MACROD2: variants seen among roughly 807,000 people sequenced by gnomAD.
The protein encoded by MACROD2 is ADP-ribose glycohydrolase MACROD2.
Under a neutral mutation model 70.4 loss-of-function variants are expected in MACROD2, and 36 were observed. The ratio of observed to expected loss-of-function variants is 0.51; its 90% CI spans 0.39 to 0.68. The LOEUF is 0.68. Ranked by LOEUF, MACROD2 falls within the 30% of genes least tolerant of loss-of-function variation. MACROD2 has a pLI of 0.00. For synonymous variants in MACROD2, 172 were observed against 178.8 expected, an observed-to-expected ratio of 0.96 and a Z score of 0.30; for missense variants, 496 against 538.4, an observed-to-expected ratio of 0.92 and a Z score of 0.78.
intron 6 of MACROD2, among the ~76,000 whole-genome samples, chr20:15,429,716 A>G (rs1181618826): frequency 2.0e-5 from 3 of 152,130 alleles, no homozygotes; most frequent in East Asian, 1.9e-4. Flanking sequence ...TTTAGATTCT[A>G]GCATAGTGCC....
At chr20:14,122,169 G>A (rs565251131) in intron 3 of MACROD2, among the ~76,000 whole-genome samples, 4 of 152,198 alleles carry the variant, frequency 2.6e-5, no homozygotes, top group South Asian at 2.1e-4. Context: ...ACTATATTAT[G>A]CATGCAGCTA....
At chr20:14,929,394 A>T (rs2074271350) in intron 5 of MACROD2, 1 of 152,216 alleles carries the variant, frequency 6.6e-6, no homozygotes, top group Non-Finnish European at 1.5e-5. Flanking sequence ...TTGATTATAA[A>T]GCACACAACT....
At chr20:16,037,714 C>T (rs1415894381) in intron 15 of MACROD2, among the ~76,000 whole-genome samples, 4 of 151,776 alleles carry the variant, frequency 2.6e-5, no homozygotes, top group South Asian at 2.1e-4. Context: ...TTTTGTGACA[C>T]GTCTGTTTGT....
intron 10 of MACROD2, among the ~76,000 whole-genome samples, chr20:15,898,019 G>A (rs1365549349): frequency 6.6e-6 from 1 of 152,170 alleles, no homozygotes; most frequent in African/African-American, 2.4e-5. Flanking sequence ...ATTTGGCTTA[G>A]AGTTTTGTTT....
chr20:14,059,324 C>G (rs554255458), intron 2 of MACROD2, among the ~76,000 whole-genome samples: 1 of 152,288 alleles, frequency 6.6e-6, no homozygotes, highest in Non-Finnish European at 1.5e-5. Flanking sequence ...TCATTATTCA[C>G]TCAAAAATTT....
intron 8 of MACROD2, among the ~76,000 whole-genome samples, chr20:15,804,855 C>T (rs1347262207): frequency 6.6e-6 from 1 of 152,150 alleles, no homozygotes; most frequent in African/African-American, 2.4e-5. Flanking sequence ...TTAATATCTC[C>T]CACCTTCCCA....
At chr20:15,624,183 A>T (rs1443814725) in intron 8 of MACROD2, among the ~76,000 whole-genome samples, 1 of 152,190 alleles carries the variant, frequency 6.6e-6, no homozygotes, top group Non-Finnish European at 1.5e-5. Context: ...GAGGGCAGGA[A>T]GCATGCAGCA....
intron 8 of MACROD2, among the ~76,000 whole-genome samples, chr20:15,775,561 C>A (rs75209570): frequency 0.034 from 5,109 of 152,084 alleles, 303 homozygotes; most frequent in African/African-American, 0.12. Context: ...ATTTTGGGGT[C>A]CCTTTGGCCA....
chr20:16,043,751 C>T (rs951274852), intron 16 of MACROD2, among the ~76,000 whole-genome samples: 4 of 152,080 alleles, frequency 2.6e-5, no homozygotes, highest in African/African-American at 7.2e-5. Context: ...GTTTTGAATT[C>T]GAAATTGAAA....
At chr20:14,607,880 A>G (rs1237995609) in intron 4 of MACROD2, among the ~76,000 whole-genome samples, 4 of 152,166 alleles carry the variant, frequency 2.6e-5, no homozygotes, top group African/African-American at 9.6e-5. Context: ...GGACTGGAGA[A>G]GAAAACAAAA....
chr20:15,125,903 A>G (rs1306135531), intron 5 of MACROD2, among the ~76,000 whole-genome samples: 4 of 151,408 alleles, frequency 2.6e-5, no homozygotes, highest in Non-Finnish European at 5.9e-5. Flanking sequence ...AAATTTGCCT[A>G]TCCTGGACAT....
chr20:14,769,690 A>G lies in MACROD2; in HGVS notation c.418+84731A>G, dbSNP rs1019081119. Among the ~76,000 whole-genome samples the G allele has an allele frequency of 5.9e-5, 9 of 152,124 alleles. No homozygotes were observed. The East Asian group carries it at 1.2e-3, about 20-fold the overall frequency. ...TCTCACCATTTTGGTGCAACCTTAC[A>G]TACACATCTGGTTGAGATCATTTTC... is the stretch of plus-strand genomic sequence containing the variant. On this transcript the variant is annotated intron_variant, in intron 5 of 17. Coordinates refer to ENST00000684519, the MANE Select transcript of MACROD2 (RefSeq NM_001351661.2).
rs746475385 is a variant in MACROD2, at chr20:15,085,866, CACACACA to C, written c.419-144066_419-144060del. Among the ~76,000 whole-genome samples the C allele has an allele frequency of 5.2e-4, 57 of 110,334 alleles. 1 individual carries two copies. Among genetic ancestry groups the C allele is most frequent in the African/African-American group, 5.9e-4 (17 of 28,576 alleles). The allele number at this position is 110,334 out of a possible 152,430, so 72.4% of individuals were successfully genotyped here. On this transcript the variant is annotated intron_variant, in intron 5 of 17. Transcript: ENST00000684519. ...AGAATTTAAAGATGAATAACACACA[CACACACA>C]ACACACACACACACACACACACACA...
chr20:14,546,539 A>G (rs2085493163), intron 4 of MACROD2, among the ~76,000 whole-genome samples: 1 of 152,174 alleles, frequency 6.6e-6, no homozygotes, highest in African/African-American at 2.4e-5. Flanking sequence ...GAGAAAATAG[A>G]GACTACATCT....
intron 4 of MACROD2, among the ~76,000 whole-genome samples, chr20:14,503,564 C>T (rs2084937474): frequency 6.6e-6 from 1 of 152,126 alleles, no homozygotes; most frequent in Admixed American, 6.5e-5. Flanking sequence ...CAGAAGTGTA[C>T]AATATTGGGA....
intron 15 of MACROD2, among the ~76,000 whole-genome samples, chr20:16,030,239 T>G (rs1291257470): frequency 2.6e-5 from 4 of 152,154 alleles, no homozygotes; most frequent in Non-Finnish European, 4.4e-5. Context: ...CAGACAAATT[T>G]GGGGGGAACC....
intron 3 of MACROD2, among the ~76,000 whole-genome samples, chr20:14,297,886 A>T (rs2082440482): frequency 1.3e-5 from 2 of 151,894 alleles, no homozygotes; most frequent in South Asian, 4.1e-4. Flanking sequence ...GCTTCAAAGG[A>T]CAGGCTGACT....
intron 5 of MACROD2, among the ~76,000 whole-genome samples, chr20:14,772,950 T>C (rs2072188475): frequency 6.6e-6 from 1 of 152,034 alleles, no homozygotes; most frequent in Non-Finnish European, 1.5e-5. Flanking sequence ...CTTTAGCAAC[T>C]CCAAGACATC....
intron 6 of MACROD2, among the ~76,000 whole-genome samples, chr20:15,358,486 G>C (rs568794309): frequency 1.2e-4 from 17 of 145,394 alleles, no homozygotes; most frequent in Admixed American, 8.4e-4. Context: ...ATTAATACTT[G>C]ATCAACAAAT....
Sources: allele counts gnomAD v4.1 joint callset (sites outside exome capture counted in the v4.1 genomes callset), GRCh38; gene constraint gnomAD v4.1.1; transcripts MANE v1.5; gene names NCBI Gene and HGNC (gene_info 2026-07-23, HGNC 2026-07-21).